LRRC28: variants seen among roughly 807,000 people sequenced by gnomAD.
LRRC28 encodes the protein leucine rich repeat containing 28.
A neutral mutation model predicts 45.7 loss-of-function variants in LRRC28; 39 were observed. The ratio of observed to expected loss-of-function variants is 0.85; its 90% CI spans 0.66 to 1.12. The LOEUF (loss-of-function observed/expected upper bound fraction) is 1.12, where lower values mean the gene tolerates loss of function less well. Ranked by LOEUF, LRRC28 falls within the 50% of genes most tolerant of loss-of-function variation. The pLI is 0.00. For synonymous variants in LRRC28, 206 were observed against 178.8 expected (o/e 1.15, Z -1.22); for missense variants, 435 against 438.5 (o/e 0.99, Z 0.07).
chr15:99,339,274 G>GT (rs1956426413), intron 6 of LRRC28, among the ~76,000 whole-genome samples: 1 of 152,204 alleles, frequency 6.6e-6, no homozygotes, highest in Non-Finnish European at 1.5e-5. Context: ...TAAGGATTGT[G>GT]TTCCGTTCAC....
intron 5 of LRRC28, among the ~76,000 whole-genome samples, chr15:99,319,948 G>GGCC (rs1955737184): frequency 6.6e-6 from 1 of 151,870 alleles, no homozygotes; most frequent in Non-Finnish European, 1.5e-5. Flanking sequence ...GACTACAGGT[G>GGCC]GCCGCCACCA....
chr15:99,284,746 C>T (rs2081910735), intron 3 of LRRC28: 2 of 524,534 alleles, frequency 3.8e-6, no homozygotes, highest in East Asian at 5.1e-5. Flanking sequence ...CACCATTGTC[C>T]TCCCTTCATG....
intron 3 of LRRC28, chr15:99,284,984 A>G: frequency 1.6e-6 from 1 of 633,568 alleles, no homozygotes; most frequent in Non-Finnish European, 3.0e-6. Context: ...CAAAATTTCC[A>G]GAATCACTTC....
intron 9 of LRRC28, among the ~76,000 whole-genome samples, chr15:99,367,548 T>C (rs1957373587): frequency 6.6e-6 from 1 of 152,136 alleles, no homozygotes; most frequent in African/African-American, 2.4e-5. Flanking sequence ...CATGACCTAA[T>C]CACCTCTTAA....
chr15:99,319,827 A>G (rs1268791882), intron 5 of LRRC28, among the ~76,000 whole-genome samples: 2 of 151,516 alleles, frequency 1.3e-5, no homozygotes, highest in Admixed American at 6.6e-5. Flanking sequence ...TTTATTTTTT[A>G]TTTTATTTGA....
At chr15:99,262,799 A>G (rs888489872) in intron 2 of LRRC28, among the ~76,000 whole-genome samples, 4 of 151,180 alleles carry the variant, frequency 2.6e-5, no homozygotes, top group African/African-American at 7.3e-5. Flanking sequence ...ACACACCACC[A>G]CACCATACCC....
intron 5 of LRRC28, among the ~76,000 whole-genome samples, chr15:99,302,002 T>C (rs944892452): frequency 6.6e-6 from 1 of 151,660 alleles, no homozygotes; most frequent in Non-Finnish European, 1.5e-5. Context: ...ACAATGTCAA[T>C]AATTTTGTTC....
intron 5 of LRRC28, among the ~76,000 whole-genome samples, chr15:99,316,536 A>C (rs1955600041): frequency 2.0e-5 from 3 of 152,184 alleles, no homozygotes; most frequent in Admixed American, 2.0e-4. Flanking sequence ...AATTATGGAT[A>C]CAGTTCATTC....
chr15:99,344,022 C>T (rs528590100), intron 6 of LRRC28, among the ~76,000 whole-genome samples: 13 of 152,284 alleles, frequency 8.5e-5, no homozygotes, highest in African/African-American at 3.1e-4. Flanking sequence ...GCCTCCCCAC[C>T]AGGCTGTGCT....
At chr15:99,264,234 G>C (rs563674006) in intron 2 of LRRC28, among the ~76,000 whole-genome samples, 54 of 152,346 alleles carry the variant, frequency 3.5e-4, no homozygotes, top group African/African-American at 1.3e-3. Flanking sequence ...TCTTAGACAA[G>C]GTAGGCGCAT....
At chr15:99,342,308 T>A (rs1488199151) in intron 6 of LRRC28, among the ~76,000 whole-genome samples, 1 of 152,204 alleles carries the variant, frequency 6.6e-6, no homozygotes, top group African/African-American at 2.4e-5. Context: ...TACCACTCCC[T>A]GGCCTGCATG....
chr15:99,370,626 TGCC>T (rs1957458762), intron 9 of LRRC28, among the ~76,000 whole-genome samples: 1 of 152,238 alleles, frequency 6.6e-6, no homozygotes, highest in Non-Finnish European at 1.5e-5. Flanking sequence ...AAAAGCCCTT[TGCC>T]TAAAACTGTA....
chr15:99,284,319 C>CA (rs939310404), intron 3 of LRRC28, among the ~76,000 whole-genome samples: 2 of 151,938 alleles, frequency 1.3e-5, no homozygotes, highest in African/African-American at 4.8e-5. Flanking sequence ...GTCATGATCA[C>CA]ACTACTATAT....
chr15:99,265,432 G>A (rs557870148), intron 2 of LRRC28, among the ~76,000 whole-genome samples: 46 of 152,302 alleles, frequency 3.0e-4, no homozygotes, highest in African/African-American at 1.1e-3. Flanking sequence ...GCACGACTGA[G>A]TAAGCCATCT....
intron 3 of LRRC28, among the ~76,000 whole-genome samples, chr15:99,280,581 T>C (rs996385946): frequency 3.3e-5 from 5 of 152,116 alleles, no homozygotes; most frequent in Non-Finnish European, 1.5e-5. Context: ...CTACAGTTGT[T>C]ATATTTGTTC....
At chr15:99,300,537 G>A (rs924773683) in intron 5 of LRRC28, among the ~76,000 whole-genome samples, 2 of 152,038 alleles carry the variant, frequency 1.3e-5, no homozygotes, top group African/African-American at 2.4e-5. Flanking sequence ...TTAAAGGTAT[G>A]CACAATTGGC....
intron 5 of LRRC28, among the ~76,000 whole-genome samples, chr15:99,306,877 T>G (rs953200708): frequency 1.3e-5 from 2 of 152,234 alleles, no homozygotes; most frequent in African/African-American, 4.8e-5. Flanking sequence ...TCCACTGACA[T>G]GTTTCCTTCT....
intron 9 of LRRC28, among the ~76,000 whole-genome samples, chr15:99,381,779 A>G (rs994194704): frequency 6.6e-6 from 1 of 152,102 alleles, no homozygotes; most frequent in African/African-American, 2.4e-5. Context: ...AGTCTGTTGG[A>G]GTTTGCTGGA....
intron 9 of LRRC28, among the ~76,000 whole-genome samples, chr15:99,365,071 A>C (rs1957304603): frequency 6.6e-6 from 1 of 152,212 alleles, no homozygotes; most frequent in Admixed American, 6.5e-5. Flanking sequence ...TCAAATTCTG[A>C]ATACCTGTTT....
Sources: gnomAD v4.1 joint callset for allele counts (sites outside exome capture counted in the v4.1 genomes callset) on GRCh38, gnomAD v4.1.1 for gene constraint, MANE v1.5 for transcripts, NCBI Gene and HGNC (gene_info 2026-07-23, HGNC 2026-07-21) for gene names.